The following SLC4A4 variants were observed in gnomAD, a reference collection of about 807,000 sequenced individuals.
The protein encoded by SLC4A4 is electrogenic sodium bicarbonate cotransporter 1.
SLC4A4 carries 27 observed loss-of-function variants against 111.5 expected under a neutral mutation model. The observed-to-expected ratio is 0.24, with a 90% CI of 0.18 to 0.33. The LOEUF (loss-of-function observed/expected upper bound fraction) is 0.33. SLC4A4 is among the 10% of genes least tolerant of loss of function. The probability of loss-of-function intolerance (pLI) is 1.00; values close to 1 mark genes in which losing one functional copy is unlikely to be tolerated. For missense variants in SLC4A4, 909 were observed against 1,315.5 expected, an observed-to-expected ratio of 0.69 and a Z score of 4.78; for synonymous variants, 443 against 463.4, an observed-to-expected ratio of 0.96 and a Z score of 0.57.
intron 2 of SLC4A4, among the ~76,000 whole-genome samples, chr4:71,125,389 A>G (rs1259944811): frequency 1.3e-5 from 2 of 152,226 alleles, no homozygotes; most frequent in Non-Finnish European, 2.9e-5. Context: ...CCTGGCCAAC[A>G]TGGCAAAACC....
intron 6 of SLC4A4, among the ~76,000 whole-genome samples, chr4:71,366,315 T>TGTGTG (rs1731303277): frequency 7.3e-6 from 1 of 137,914 alleles, no homozygotes; most frequent in Non-Finnish European, 1.6e-5. Flanking sequence ...TCTGGAGATA[T>TGTGTG]TGTGTGTGTG....
At chr4:71,507,555 G>A (rs185152919) in intron 16 of SLC4A4, among the ~76,000 whole-genome samples, 1 of 152,122 alleles carries the variant, frequency 6.6e-6, no homozygotes, top group African/African-American at 2.4e-5. Context: ...ATCCTAAATA[G>A]AAATGCTTCC....
chr4:71,312,134 C>CT (rs1433317586), intron 3 of SLC4A4, among the ~76,000 whole-genome samples: 5 of 152,148 alleles, frequency 3.3e-5, no homozygotes, highest in African/African-American at 1.2e-4. Context: ...TCAGAGAATA[C>CT]TATAAACACC....
intron 18 of SLC4A4, among the ~76,000 whole-genome samples, chr4:71,537,443 GT>G (rs1734650471): frequency 1.4e-5 from 1 of 69,250 alleles, no homozygotes; most frequent in Non-Finnish European, 3.1e-5. Context: ...GTGTGTGTGT[GT>G]ATATATAGAG....
At position 71,101,941 on chromosome 4, in the gene SLC4A4, GAGA is replaced by G. The variant is rs1289719721; in HGVS notation, c.-2+9155_-2+9157del. 3.9e-5 allele frequency among the ~76,000 whole-genome samples: 6 copies of G among 152,116 alleles called. No homozygotes were observed. The East Asian group carries it at 1.2e-3, about 29-fold the overall frequency. ...ATGGAGAATGACTTTGGCGAGCTGA[GAGA>G]AGAAGGCTTCAGACGATCAAATTAC... On this transcript the variant is annotated intron_variant, in intron 2 of 26. Coordinates refer to the SLC4A4 transcript ENST00000649996.
In SLC4A4 at chr4:71,387,021, T is replaced by C. The variant is rs73828129; in HGVS notation, c.731-10556T>C. Among the ~76,000 whole-genome samples the C allele has an allele frequency of 7.9e-3, 1,210 of 152,340 alleles. 17 individuals are homozygous for C. The highest frequency in any genetic ancestry group is 0.026 in the African/African-American group (1,070 of 41,576). On this transcript the variant is annotated intron_variant, in intron 6 of 25. Transcript: ENST00000264485. ...TCTGGATACTTCTTGAGCAGAGCCC[T>C]GCAGTGTAAATGCTTTGGCTTCTGG...
chr4:71,175,327 G>C (rs1372095449), intron 2 of SLC4A4, among the ~76,000 whole-genome samples: 4 of 152,222 alleles, frequency 2.6e-5, no homozygotes, highest in African/African-American at 9.6e-5. Context: ...TCTCACTGGG[G>C]ATTGTTGGAC....
intron 2 of SLC4A4, among the ~76,000 whole-genome samples, chr4:71,098,501 C>A (rs1004156018): frequency 2.6e-5 from 4 of 152,126 alleles, no homozygotes; most frequent in African/African-American, 9.7e-5. Flanking sequence ...ATTGCCTTGG[C>A]TATTCAGATT....
At chr4:71,188,325 C>A (rs1000926100) in intron 1 of SLC4A4, among the ~76,000 whole-genome samples, 1 of 152,078 alleles carries the variant, frequency 6.6e-6, no homozygotes, top group Non-Finnish European at 1.5e-5. Context: ...TTTTTTCTAT[C>A]CTTCCTTCCC....
chr4:71,209,642 G>T (rs1718005305), intron 1 of SLC4A4, among the ~76,000 whole-genome samples: 1 of 151,938 alleles, frequency 6.6e-6, no homozygotes. Flanking sequence ...CATATCAATT[G>T]GACTCAAATT....
At chr4:71,563,653 T>C (rs1737187631) in intron 23 of SLC4A4, 140 bp from the exon 24 acceptor site, 4 of 683,670 alleles carry the variant, frequency 5.9e-6, no homozygotes, top group Admixed American at 4.5e-5. Flanking sequence ...AGTTAAAAGA[T>C]GGCAAACTGG....
At chr4:71,095,400 A>G (rs1049891217) in intron 2 of SLC4A4, among the ~76,000 whole-genome samples, 1 of 152,316 alleles carries the variant, frequency 6.6e-6, no homozygotes, top group South Asian at 2.1e-4. Flanking sequence ...TTTTATATGG[A>G]CAGCACCAGG....
rs761920657 is a variant in SLC4A4 at position 71,353,011 on chromosome 4, G to C, written c.550+2939G>C. 1.3e-5 allele frequency among the ~76,000 whole-genome samples: 2 copies of C among 152,132 alleles called. 1 individual carries two copies. Among genetic ancestry groups the C allele is most frequent in the South Asian group, 4.1e-4 (2 of 4,824 alleles). ...GGAAGAGCCATCTTAAGGAGCTTCT[G>C]GTCTTCAGCAACTAACTGACCGTTT... On this transcript the variant is annotated intron_variant, in intron 5 of 25. Transcript: ENST00000264485.
At chr4:71,240,601 G>T (rs1005648834) in intron 2 of SLC4A4, among the ~76,000 whole-genome samples, 1 of 152,120 alleles carries the variant, frequency 6.6e-6, no homozygotes, top group Non-Finnish European at 1.5e-5. Context: ...TCTACTGATG[G>T]ACATTAGGAG....
At chr4:71,260,688 G>T (rs1721793395) in intron 3 of SLC4A4, among the ~76,000 whole-genome samples, 1 of 152,184 alleles carries the variant, frequency 6.6e-6, no homozygotes, top group African/African-American at 2.4e-5. Flanking sequence ...TGGAAAGGGA[G>T]CATATCAGAG....
At chr4:71,081,990 C>A (rs541317266) in intron 1 of SLC4A4, among the ~76,000 whole-genome samples, 1 of 152,118 alleles carries the variant, frequency 6.6e-6, no homozygotes, top group Non-Finnish European at 1.5e-5. Flanking sequence ...GCCTTTCAAC[C>A]CTTAGGTTCT....
chr4:71,143,353 G>A (rs572853052), intron 2 of SLC4A4, among the ~76,000 whole-genome samples: 2 of 152,192 alleles, frequency 1.3e-5, no homozygotes, highest in South Asian at 4.1e-4. Flanking sequence ...TATCATTGTT[G>A]GACATTTGGG....
intron 3 of SLC4A4, among the ~76,000 whole-genome samples, chr4:71,318,826 T>G (rs910002729): frequency 6.6e-6 from 1 of 151,850 alleles, no homozygotes. Flanking sequence ...TTAAGTTTTT[T>G]TTTTTTTTTT....
At chr4:71,284,128 A>G (rs1317849976) in intron 3 of SLC4A4, among the ~76,000 whole-genome samples, 1 of 152,232 alleles carries the variant, frequency 6.6e-6, no homozygotes, top group Non-Finnish European at 1.5e-5. Flanking sequence ...CCAGAATGGA[A>G]ATAAATGGCT....
Sources: allele counts gnomAD v4.1 joint callset (sites outside exome capture counted in the v4.1 genomes callset), GRCh38; gene constraint gnomAD v4.1.1; transcripts MANE v1.5; gene names NCBI Gene and HGNC (gene_info 2026-07-23, HGNC 2026-07-21).